The following STAU2 variants were observed in gnomAD, a reference collection of about 807,000 sequenced individuals.
The protein encoded by STAU2 is double-stranded RNA-binding protein Staufen homolog 2.
In STAU2, 20 loss-of-function variants were observed where a neutral mutation model predicts 65.9. The ratio of observed to expected loss-of-function variants is 0.30; its 90% confidence interval spans 0.21 to 0.44. The LOEUF (loss-of-function observed/expected upper bound fraction) is 0.44, where lower values mean the gene tolerates loss of function less well. Ranked by LOEUF, STAU2 falls within the 20% of genes least tolerant of loss-of-function variation. The probability of loss-of-function intolerance (pLI) is 1.00; values close to 1 mark genes in which losing one functional copy is unlikely to be tolerated. For synonymous variants in STAU2, 232 were observed against 233.9 expected, an observed-to-expected ratio of 0.99 and a Z score of 0.07; for missense variants, 558 against 683.9, an observed-to-expected ratio of 0.82 and a Z score of 2.05.
intron 13 of STAU2, among the ~76,000 whole-genome samples, chr8:73,503,281 A>G (rs1792812243): frequency 6.6e-6 from 1 of 152,110 alleles, no homozygotes; most frequent in African/African-American, 2.4e-5. Flanking sequence ...GTTATGCTGA[A>G]TATATTTTTT....
At chr8:73,720,088 A>G (rs1410741010) in intron 3 of STAU2, among the ~76,000 whole-genome samples, 2 of 152,098 alleles carry the variant, frequency 1.3e-5, no homozygotes, top group Non-Finnish European at 2.9e-5. Flanking sequence ...ACCAGTCAGT[A>G]CAACATGGTG....
At chr8:73,471,784 C>T (rs557775518) in intron 13 of STAU2, among the ~76,000 whole-genome samples, 9 of 133,536 alleles carry the variant, frequency 6.7e-5, no homozygotes, top group Non-Finnish European at 1.4e-4. Flanking sequence ...CGTCACTGCA[C>T]TCCCGCCTGG....
intron 12 of STAU2, among the ~76,000 whole-genome samples, chr8:73,553,212 A>G (rs553798887): frequency 1.3e-5 from 2 of 152,334 alleles, no homozygotes; most frequent in East Asian, 1.9e-4. Flanking sequence ...TCAGGTATCA[A>G]TAACTCTCAA....
intron 6 of STAU2, among the ~76,000 whole-genome samples, chr8:73,660,890 T>C (rs1816784648): frequency 6.6e-6 from 1 of 152,112 alleles, no homozygotes; most frequent in South Asian, 2.1e-4. Flanking sequence ...AATAACAGAA[T>C]CACAGCCTGA....
chr8:73,556,248 C>T lies in STAU2; in HGVS notation c.1223-3929G>A, dbSNP rs1458040657. 3.3e-5 allele frequency among the ~76,000 whole-genome samples: 5 copies of T among 151,986 alleles called. No individual in the cohort carries two copies. The East Asian group carries it at 7.7e-4, about 23-fold the overall frequency. On this transcript the variant is annotated intron_variant, in intron 12 of 14. Transcript: ENST00000524300. ...CATCTAATTTATCTCCAGTTTTTTG[C>T]AATTATAAACACAGTGATGAACATT...
Position 73,433,245 on chromosome 8 carries a change from G to GCAC in STAU2, c.1531-10544_1531-10543insGTG, listed in dbSNP as rs1219830721. Among the ~76,000 whole-genome samples, 617 of 150,862 alleles carry GCAC rather than the reference G, an allele frequency of 4.1e-3. 8 individuals carry two copies. The highest frequency in any genetic ancestry group is 0.014 in the African/African-American group (582 of 40,386). On this transcript the variant is annotated intron_variant, in intron 13 of 14. Transcript: ENST00000524300. Reference sequence around the variant, plus strand: ...TTTTGAGATGGAGTCTTGCTCTGTTGCCAGGCTGGAGTGCAATGGTGCAAT... The same window carrying GCAC: ...TTTTGAGATGGAGTCTTGCTCTGTTGCACCCAGGCTGGAGTGCAATGGTGCAAT...
At chr8:73,441,831 T>C (rs923937354) in intron 13 of STAU2, among the ~76,000 whole-genome samples, 10 of 152,258 alleles carry the variant, frequency 6.6e-5, no homozygotes, top group African/African-American at 2.2e-4. Context: ...TTAAGTATTA[T>C]GTGTCTCTAA....
chr8:73,682,935 C>T (rs1487250502), intron 5 of STAU2, among the ~76,000 whole-genome samples: 1 of 151,958 alleles, frequency 6.6e-6, no homozygotes, highest in Non-Finnish European at 1.5e-5. Context: ...AAACTCTGAA[C>T]TGACCACAGC....
intron 4 of STAU2, among the ~76,000 whole-genome samples, chr8:73,692,261 A>T (rs1009443765): frequency 6.6e-6 from 1 of 151,518 alleles, no homozygotes; most frequent in Non-Finnish European, 1.5e-5. Flanking sequence ...TGCATGGCAC[A>T]ATCTCGTCTC....
chr8:73,582,737 C>G (rs1019269383), intron 12 of STAU2, 33 bp downstream of exon 12: 1 of 1,606,782 alleles, frequency 6.2e-7, no homozygotes, highest in African/African-American at 1.3e-5. Flanking sequence ...CTGATGAACA[C>G]CAAGTGCAGA....
At chr8:73,663,206 TAAGC>T (rs972795841) in intron 6 of STAU2, among the ~76,000 whole-genome samples, 10 of 152,294 alleles carry the variant, frequency 6.6e-5, no homozygotes, top group African/African-American at 2.2e-4. Flanking sequence ...ATACAACACA[TAAGC>T]AAGTGACTGT....
chr8:73,631,743 G>A (rs1814102006), intron 6 of STAU2, among the ~76,000 whole-genome samples: 1 of 151,998 alleles, frequency 6.6e-6, no homozygotes, highest in Non-Finnish European at 1.5e-5. Flanking sequence ...AAAGCAAGTT[G>A]GTCAAGGTCC....
intron 3 of STAU2, among the ~76,000 whole-genome samples, chr8:73,714,584 G>A (rs1384008105): frequency 1.3e-5 from 2 of 151,832 alleles, no homozygotes; most frequent in Non-Finnish European, 2.9e-5. Context: ...AAAAACTAAC[G>A]GAAATTAGCT....
At chr8:73,462,418 C>T (rs1205957935) in intron 13 of STAU2, among the ~76,000 whole-genome samples, 1 of 150,982 alleles carries the variant, frequency 6.6e-6, no homozygotes, top group Admixed American at 6.6e-5. Flanking sequence ...ATTTTTTTGA[C>T]AGGGTCTCGC....
In STAU2 at chr8:73,688,489, CGTGTGTGTGTGTGTGT is replaced by C. The variant is rs34713766; in HGVS notation, c.274+149_274+164del. On this transcript the variant is annotated intron_variant, in intron 5 of 14. Transcript: ENST00000524300. ...CCTCCTTCAGTTATTTTTATGCTAC[CGTGTGTGTGTGTGTGT>C]GTGTGTGTGTGTGTGTGTGTGTGTG... 7.8e-4 allele frequency among the ~76,000 whole-genome samples: 115 copies of C among 146,932 alleles called. No homozygotes were observed. The South Asian group carries it at 9.8e-3, about 13-fold the overall frequency.
At chr8:73,505,038 C>T (rs11986023) in intron 13 of STAU2, among the ~76,000 whole-genome samples, 8,700 of 152,086 alleles carry the variant, frequency 0.057, 779 homozygotes, top group African/African-American at 0.2. Context: ...AAATCTATAT[C>T]TTTATCCCTA....
chr8:73,470,464 T>A (rs1163204138), intron 13 of STAU2, among the ~76,000 whole-genome samples: 1 of 152,098 alleles, frequency 6.6e-6, no homozygotes, highest in African/African-American at 2.4e-5. Flanking sequence ...TAAAGCAAAG[T>A]CGTAGGCTGG....
Position 73,608,384 on chromosome 8 carries a change from G to A in STAU2, c.892-4521C>T, listed in dbSNP as rs186898181. 1.3e-4 allele frequency among the ~76,000 whole-genome samples: 20 copies of A among 152,080 alleles called. No individual in the cohort carries two copies. In the East Asian group the frequency reaches 3.3e-3, roughly 25 times the overall value. On this transcript the variant is annotated intron_variant, in intron 9 of 14. Coordinates refer to ENST00000524300, the MANE Select transcript of STAU2 (RefSeq NM_001164380.2). ...GCACTTTGAGAGGCCAAGGCAGGGC[G>A]GATCACAAGGTCAGGAGTTCGAGAC...
intron 6 of STAU2, among the ~76,000 whole-genome samples, chr8:73,638,558 T>C (rs913748493): frequency 4.6e-5 from 7 of 151,444 alleles, no homozygotes; most frequent in Non-Finnish European, 8.9e-5. Flanking sequence ...ATAATTGCAA[T>C]TTCACTGGCA....
Sources: gnomAD v4.1 joint callset for allele counts (sites outside exome capture counted in the v4.1 genomes callset) on GRCh38, gnomAD v4.1.1 for gene constraint, MANE v1.5 for transcripts, NCBI Gene and HGNC (gene_info 2026-07-23, HGNC 2026-07-21) for gene names.